CLSTN2: variants seen among roughly 807,000 people sequenced by gnomAD.
CLSTN2 encodes calsyntenin 2.
In CLSTN2, 48 loss-of-function variants were observed where a neutral mutation model predicts 101.2. That is an observed-to-expected ratio of 0.47 (90% confidence interval 0.38 to 0.60). The LOEUF (loss-of-function observed/expected upper bound fraction) is 0.60. CLSTN2 is among the 20% of genes least tolerant of loss of function. The pLI, the probability that CLSTN2 is intolerant of heterozygous loss-of-function variation, is 0.00. For synonymous variants in CLSTN2, 481 were observed against 463.6 expected, an observed-to-expected ratio of 1.04 and a Z score of -0.48; for missense variants, 1,160 against 1,238.2, an observed-to-expected ratio of 0.94 and a Z score of 0.95.
chr3:140,498,937 T>C (rs2107761289), intron 8 of CLSTN2, among the ~76,000 whole-genome samples: 1 of 151,182 alleles, frequency 6.6e-6, no homozygotes. Flanking sequence ...GAGCACTCTG[T>C]CTGGCATTGT....
chr3:140,166,263 T>C (rs914179257), intron 1 of CLSTN2, among the ~76,000 whole-genome samples: 1 of 152,216 alleles, frequency 6.6e-6, no homozygotes, highest in African/African-American at 2.4e-5. Context: ...CACCCATCAG[T>C]TACCCCAAGG....
intron 1 of CLSTN2, among the ~76,000 whole-genome samples, chr3:139,974,623 T>C (rs991398066): frequency 3.3e-5 from 5 of 152,220 alleles, no homozygotes; most frequent in African/African-American, 1.2e-4. Context: ...TAAATTGAAA[T>C]TGGGCAGGAA....
intron 2 of CLSTN2, among the ~76,000 whole-genome samples, chr3:140,317,230 A>G (rs1006884752): frequency 6.6e-6 from 1 of 152,126 alleles, no homozygotes; most frequent in African/African-American, 2.4e-5. Context: ...TATAAAGAGG[A>G]TTGTTGCTCC....
At chr3:140,094,953 G>A (rs906682945) in intron 1 of CLSTN2, among the ~76,000 whole-genome samples, 14 of 152,344 alleles carry the variant, frequency 9.2e-5, no homozygotes, top group Admixed American at 4.6e-4. Flanking sequence ...GGAACCAGCA[G>A]GAGTCAGTGG....
chr3:139,963,162 A>G (rs1042918737), intron 1 of CLSTN2, among the ~76,000 whole-genome samples: 1 of 152,094 alleles, frequency 6.6e-6, no homozygotes, highest in South Asian at 2.1e-4. Context: ...TGGAGTGACC[A>G]AAAGGGACAC....
At position 140,566,371 on chromosome 3, in the gene CLSTN2, C is replaced by A; in HGVS notation, c.*118C>A. 1 of 1,060,760 alleles carries A rather than the reference C, an allele frequency of 9.4e-7. No homozygotes were observed. Among genetic ancestry groups the A allele is most frequent in the Non-Finnish European group, 1.4e-6 (1 of 720,964 alleles). The allele number at this position is 1,060,760 out of a possible 1,614,324, so 65.7% of individuals were successfully genotyped here. ...GTGACATGTCTGGGAAGGCCTTCTC[C>A]AGCTTCCTGGAGCCCACCCTTTAAG... On this transcript the variant is annotated 3_prime_UTR_variant, in exon 17 of 17. Transcript: ENST00000458420.
At chr3:140,339,513 T>C (rs768376757) in intron 2 of CLSTN2, among the ~76,000 whole-genome samples, 1 of 152,178 alleles carries the variant, frequency 6.6e-6, no homozygotes, top group South Asian at 2.1e-4. Context: ...CCATGTCACC[T>C]GGGGAGCTTA....
rs1451491673 is a variant in CLSTN2, at chr3:140,570,135, G to C, written c.*3882G>C. On this transcript the variant is annotated 3_prime_UTR_variant, in exon 17 of 17. Transcript: ENST00000458420. ...AATGTCCCCCATTCCTATATGTCAG[G>C]TGTCAGCAAACTATCTGTAAAGAGG... 1 of 152,144 alleles carries C rather than the reference G, an allele frequency of 6.6e-6. No individual in the cohort carries two copies. Among genetic ancestry groups the C allele is most frequent in the Non-Finnish European group, 1.5e-5 (1 of 68,036 alleles). 9.4% of individuals were successfully genotyped at this position (152,144 alleles called of 1,614,324 possible).
chr3:140,390,518 G>A (rs985326852), intron 2 of CLSTN2, among the ~76,000 whole-genome samples: 13 of 152,146 alleles, frequency 8.5e-5, no homozygotes, highest in Non-Finnish European at 1.5e-5. Context: ...TTATGTCCCA[G>A]CATATGGTCT....
chr3:140,443,340 G>C (rs567042531), intron 5 of CLSTN2, among the ~76,000 whole-genome samples: 38 of 152,324 alleles, frequency 2.5e-4, no homozygotes, highest in African/African-American at 7.9e-4. Flanking sequence ...TTACAACAGC[G>C]CCAAAGCCTA....
chr3:140,431,527 C>T (rs1202817041), intron 5 of CLSTN2, among the ~76,000 whole-genome samples: 1 of 152,158 alleles, frequency 6.6e-6, no homozygotes, highest in African/African-American at 2.4e-5. Flanking sequence ...CTTCCTCTAC[C>T]CTCACAATCT....
chr3:140,273,571 G>A (rs1032408637), intron 2 of CLSTN2, among the ~76,000 whole-genome samples: 3 of 152,108 alleles, frequency 2.0e-5, no homozygotes, highest in Admixed American at 1.3e-4. Flanking sequence ...AGGAACATCT[G>A]TATAAGCCAT....
chr3:140,060,701 T>C (rs1398698631), intron 1 of CLSTN2, among the ~76,000 whole-genome samples: 6 of 152,192 alleles, frequency 3.9e-5, no homozygotes, highest in Non-Finnish European at 8.8e-5. Context: ...CTGCCTGATG[T>C]GGCATCCAGA....
At chr3:140,301,614 G>A (rs2087059562) in intron 2 of CLSTN2, among the ~76,000 whole-genome samples, 1 of 152,182 alleles carries the variant, frequency 6.6e-6, no homozygotes, top group South Asian at 2.1e-4. Context: ...TGAGTTCATG[G>A]ATTCTTGCCC....
At chr3:140,013,284 C>T (rs2007126622) in intron 1 of CLSTN2, among the ~76,000 whole-genome samples, 2 of 152,206 alleles carry the variant, frequency 1.3e-5, no homozygotes, top group South Asian at 4.1e-4. Flanking sequence ...AGAGAAAGCC[C>T]ATATGGGCCT....
intron 1 of CLSTN2, among the ~76,000 whole-genome samples, chr3:140,033,702 G>T (rs1008688913): frequency 1.3e-5 from 2 of 152,188 alleles, no homozygotes; most frequent in African/African-American, 2.4e-5. Context: ...CTCTCAGGGA[G>T]GCTAGGAAAT....
At chr3:140,403,550 G>C (rs2088267605) in intron 2 of CLSTN2, 79 bp from the exon 3 acceptor site, 1 of 1,228,280 alleles carries the variant, frequency 8.1e-7, no homozygotes, top group African/African-American at 1.5e-5. Context: ...TTGAGTTTGT[G>C]AATCTGGTCC....
intron 10 of CLSTN2, among the ~76,000 whole-genome samples, chr3:140,550,433 CA>C (rs1357517747): frequency 1.3e-5 from 2 of 151,470 alleles, no homozygotes; most frequent in East Asian, 3.9e-4. Flanking sequence ...GGGGCAAGCT[CA>C]AAAGACCATC....
chr3:140,502,243 C>CT (rs1934592397), intron 8 of CLSTN2, among the ~76,000 whole-genome samples: 1 of 152,150 alleles, frequency 6.6e-6, no homozygotes, highest in Admixed American at 6.5e-5. Context: ...ACTGTCTGAC[C>CT]TGAAAGTCAA....
Sources: allele counts gnomAD v4.1 joint callset (sites outside exome capture counted in the v4.1 genomes callset), GRCh38; gene constraint gnomAD v4.1.1; transcripts MANE v1.5; gene names NCBI Gene and HGNC (gene_info 2026-07-23, HGNC 2026-07-21).